RNU7-1: variants seen among roughly 807,000 people sequenced by gnomAD.
RNU7-1 encodes the protein RNA, U7 small nuclear 1.
chr12:6,943,870 A>C lies in RNU7-1; in HGVS notation n.55A>C, dbSNP rs916709242. 1.1e-4 allele frequency: 106 copies of C among 956,374 alleles called. 1 individual carries two copies. Among genetic ancestry groups the C allele is most frequent in the Non-Finnish European group, 6.8e-5 (46 of 678,124 alleles). The allele number at this position is 956,374 out of a possible 1,614,324, so 59.2% of individuals were successfully genotyped here. On this transcript the variant is annotated non_coding_transcript_exon_variant, in exon 1 of 1. Transcript: ENST00000458811. The stretch of plus-strand genomic sequence containing the variant: ...AGTAGGCTTTCTGGCTTTTTACCGG[A>C]AAGCCCCTCTTATGATGTTTGTTGC...
chr12:6,943,870 A>AG (rs782583480), exon 1 of RNU7-1: 3 of 956,492 alleles, frequency 3.1e-6, no homozygotes, highest in African/African-American at 3.4e-5. Context: ...TTTTTACCGG[A>AG]AAGCCCCTCT....
exon 1 of RNU7-1, chr12:6,943,875 C>G (rs115355876): frequency 2.7e-5 from 26 of 974,368 alleles, no homozygotes; most frequent in African/African-American, 8.4e-5. Context: ...ACCGGAAAGC[C>G]CCTCTTATGA....
At chr12:6,943,819 T>C (rs781784492) in exon 1 of RNU7-1, 5 of 848,868 alleles carry the variant, frequency 5.9e-6, no homozygotes, top group Non-Finnish European at 8.3e-6. Context: ...TACGCAGCAG[T>C]GTTACAGCTC....
chr12:6,943,870 A>AT lies in RNU7-1; in HGVS notation n.55_56insT, dbSNP rs782583480. The AT allele has an allele frequency of 9.2e-4, 882 of 956,474 alleles. 3 individuals carry two copies. Among genetic ancestry groups the AT allele is most frequent in the South Asian group, 3.7e-3 (213 of 57,636 alleles). 59.2% of individuals were successfully genotyped at this position (956,474 alleles called of 1,614,324 possible). On this transcript the variant is annotated non_coding_transcript_exon_variant, in exon 1 of 1. Transcript: ENST00000458811. ...AGTAGGCTTTCTGGCTTTTTACCGG[A>AT]AAGCCCCTCTTATGATGTTTGTTGC... is the stretch of plus-strand genomic sequence containing the variant.
exon 1 of RNU7-1, chr12:6,943,861 T>C (rs1161581020): frequency 1.5e-5 from 14 of 936,730 alleles, no homozygotes; most frequent in Non-Finnish European, 2.1e-5. Context: ...CTTTCTGGCT[T>C]TTTACCGGAA....
exon 1 of RNU7-1, chr12:6,943,867 CG>C (rs1234047971): frequency 2.1e-6 from 2 of 939,242 alleles, no homozygotes; most frequent in South Asian, 3.5e-5. Context: ...GGCTTTTTAC[CG>C]GAAAGCCCCT....
Position 6,943,846 on chromosome 12 carries a change from G to C in RNU7-1, n.31G>C, listed in dbSNP as rs190235178. ...TTACAGCTCTTTTAGAATTTGTCTA[G>C]TAGGCTTTCTGGCTTTTTACCGGAA... On this transcript the variant is annotated non_coding_transcript_exon_variant, in exon 1 of 1. Transcript: ENST00000458811. 2.7e-5 allele frequency: 24 copies of C among 902,024 alleles called. No individual in the cohort carries two copies. Among genetic ancestry groups the C allele is most frequent in the Admixed American group, 1.6e-4 (5 of 31,584 alleles). 55.9% of individuals were successfully genotyped at this position (902,024 alleles called of 1,614,324 possible).
downstream of RNU7-1, chr12:6,943,878 T>TA: frequency 1.0e-6 from 1 of 996,774 alleles, no homozygotes; most frequent in South Asian, 1.7e-5. Context: ...GGAAAGCCCC[T>TA]CTTATGATGT....
chr12:6,943,858 G>T (rs781962342), exon 1 of RNU7-1: 22 of 940,456 alleles, frequency 2.3e-5, no homozygotes, highest in African/African-American at 6.7e-5. Flanking sequence ...AGGCTTTCTG[G>T]CTTTTTACCG....
exon 1 of RNU7-1, chr12:6,943,867 C>CGGA: frequency 1.1e-6 from 1 of 939,356 alleles, no homozygotes. Flanking sequence ...GGCTTTTTAC[C>CGGA]GGAAAGCCCC....
Position 6,943,855 on chromosome 12 carries a change from C to T in RNU7-1, n.40C>T, listed in dbSNP as rs781848591. 1,514 of 933,144 alleles carry T rather than the reference C, an allele frequency of 1.6e-3. 2 individuals are homozygous for T. The highest frequency in any genetic ancestry group is 4.9e-3 in the Middle Eastern group (14 of 2,842). 57.8% of individuals were successfully genotyped at this position (933,144 alleles called of 1,614,324 possible). A position where few individuals can be genotyped will look rare whatever the true frequency, so the allele number is the denominator to read the frequency against. On this transcript the variant is annotated non_coding_transcript_exon_variant, in exon 1 of 1. Transcript: ENST00000458811. ...TTTTAGAATTTGTCTAGTAGGCTTT[C>T]TGGCTTTTTACCGGAAAGCCCCTCT...
exon 1 of RNU7-1, chr12:6,943,846 G>T (rs190235178): frequency 4.4e-6 from 4 of 901,906 alleles, no homozygotes; most frequent in Non-Finnish European, 6.3e-6. Context: ...AATTTGTCTA[G>T]TAGGCTTTCT....
rs190235178 is a variant in RNU7-1 at position 6,943,846 on chromosome 12, G to A, written n.31G>A. The A allele has an allele frequency of 2.9e-5, 26 of 901,906 alleles. No homozygotes were observed. Among genetic ancestry groups the A allele is most frequent in the Non-Finnish European group, 3.9e-5 (25 of 637,824 alleles). 55.9% of individuals were successfully genotyped at this position (901,906 alleles called of 1,614,324 possible). On this transcript the variant is annotated non_coding_transcript_exon_variant, in exon 1 of 1. Coordinates refer to ENST00000458811, the Ensembl canonical transcript of RNU7-1. ...TTACAGCTCTTTTAGAATTTGTCTA[G>A]TAGGCTTTCTGGCTTTTTACCGGAA...
chr12:6,943,821 T>TG (rs1945691569), exon 1 of RNU7-1: 7 of 853,238 alleles, frequency 8.2e-6, no homozygotes, highest in Non-Finnish European at 1.2e-5. Flanking sequence ...CGCAGCAGTG[T>TG]TACAGCTCTT....
In RNU7-1 at chr12:6,943,869, G is replaced by T. The variant is rs782223539; in HGVS notation, n.54G>T. 8.7e-4 allele frequency: 829 copies of T among 953,470 alleles called. 2 individuals carry two copies. The highest frequency in any genetic ancestry group is 1.2e-3 in the Non-Finnish European group (787 of 675,938). 59.1% of individuals were successfully genotyped at this position (953,470 alleles called of 1,614,324 possible). On this transcript the variant is annotated non_coding_transcript_exon_variant, in exon 1 of 1. Transcript: ENST00000458811. ...TAGTAGGCTTTCTGGCTTTTTACCG[G>T]AAAGCCCCTCTTATGATGTTTGTTG...
At chr12:6,943,862 T>A (rs782247139) in exon 1 of RNU7-1, 55 of 939,034 alleles carry the variant, frequency 5.9e-5, no homozygotes, top group Non-Finnish European at 8.0e-5. Flanking sequence ...TTTCTGGCTT[T>A]TTACCGGAAA....
exon 1 of RNU7-1, chr12:6,943,869 G>GA (rs1945696332): frequency 3.1e-6 from 3 of 953,358 alleles, no homozygotes; most frequent in South Asian, 1.7e-5. Context: ...CTTTTTACCG[G>GA]AAAGCCCCTC....
At chr12:6,943,861 T>TA in exon 1 of RNU7-1, 2 of 936,848 alleles carry the variant, frequency 2.1e-6, no homozygotes, top group East Asian at 3.1e-5. Context: ...CTTTCTGGCT[T>TA]TTTACCGGAA....
chr12:6,943,817 AGT>A, exon 1 of RNU7-1: 10 of 839,078 alleles, frequency 1.2e-5, no homozygotes, highest in South Asian at 1.8e-5. Flanking sequence ...CATACGCAGC[AGT>A]GTTACAGCTC....
Sources: gnomAD v4.1 joint callset for allele counts on GRCh38, gnomAD v4.1.1 for gene constraint, MANE v1.5 for transcripts, NCBI Gene and HGNC (gene_info 2026-07-23, HGNC 2026-07-21) for gene names.